PLXDC2: variants seen among roughly 807,000 people sequenced by gnomAD.
The protein encoded by PLXDC2 is plexin domain containing 2.
PLXDC2 carries 40 observed loss-of-function variants against 68.9 expected under a neutral mutation model. The observed-to-expected ratio is 0.58, with a 90% CI of 0.45 to 0.76. The LOEUF (loss-of-function observed/expected upper bound fraction) is 0.76, where lower values mean the gene tolerates loss of function less well. PLXDC2 is among the 30% of genes least tolerant of loss of function. The pLI, the probability that PLXDC2 is intolerant of heterozygous loss-of-function variation, is 0.00. For synonymous variants in PLXDC2, 243 were observed against 234.2 expected, an observed-to-expected ratio of 1.04 and a Z score of -0.34; for missense variants, 644 against 661.9, an observed-to-expected ratio of 0.97 and a Z score of 0.30.
At chr10:19,834,405 A>C (rs1351677109) in intron 1 of PLXDC2, among the ~76,000 whole-genome samples, 1 of 152,048 alleles carries the variant, frequency 6.6e-6, no homozygotes, top group East Asian at 1.9e-4. Context: ...TAACAAAGGC[A>C]AAGGGACAGA....
At chr10:19,984,055 G>A (rs541151274) in intron 1 of PLXDC2, among the ~76,000 whole-genome samples, 3 of 152,280 alleles carry the variant, frequency 2.0e-5, no homozygotes, top group Admixed American at 6.5e-5. Flanking sequence ...ATTCCCATGG[G>A]TCGTCGAAGT....
At chr10:19,820,276 A>C (rs1836438947) in intron 1 of PLXDC2, among the ~76,000 whole-genome samples, 1 of 152,198 alleles carries the variant, frequency 6.6e-6, no homozygotes, top group Admixed American at 6.5e-5. Flanking sequence ...AATGAAAGAT[A>C]ATAATTTTGC....
At chr10:19,902,983 C>T (rs1249675828) in intron 1 of PLXDC2, among the ~76,000 whole-genome samples, 1 of 152,116 alleles carries the variant, frequency 6.6e-6, no homozygotes, top group Non-Finnish European at 1.5e-5. Flanking sequence ...CATTTATTGA[C>T]TTACATATGT....
chr10:19,970,316 C>T (rs747616327), intron 1 of PLXDC2, among the ~76,000 whole-genome samples: 33 of 152,306 alleles, frequency 2.2e-4, no homozygotes, highest in Admixed American at 1.6e-3. Context: ...GCCTCATCAT[C>T]ATCATAATCA....
chr10:19,825,640 A>G (rs1021943365), intron 1 of PLXDC2, among the ~76,000 whole-genome samples: 3 of 152,292 alleles, frequency 2.0e-5, no homozygotes, highest in Non-Finnish European at 4.4e-5. Flanking sequence ...TAAAATATTT[A>G]TTTCCCTAAA....
At chr10:19,827,774 G>C (rs143057422) in intron 1 of PLXDC2, among the ~76,000 whole-genome samples, 1,578 of 152,124 alleles carry the variant, frequency 0.01, 25 homozygotes, top group African/African-American at 0.037. Context: ...GGCCAAGCTG[G>C]TCTCCAACTC....
intron 9 of PLXDC2, among the ~76,000 whole-genome samples, chr10:20,193,749 T>G (rs906993915): frequency 6.6e-5 from 10 of 152,122 alleles, no homozygotes; most frequent in African/African-American, 2.4e-4. Flanking sequence ...GTGTATTTTA[T>G]GAAGCAGAAA....
chr10:19,970,897 A>G (rs1299386746), intron 1 of PLXDC2, among the ~76,000 whole-genome samples: 1 of 152,130 alleles, frequency 6.6e-6, no homozygotes, highest in Non-Finnish European at 1.5e-5. Flanking sequence ...TCTAGACTAA[A>G]CATGTTCTTC....
chr10:19,857,476 G>T (rs1299902567), intron 1 of PLXDC2, among the ~76,000 whole-genome samples: 3 of 152,240 alleles, frequency 2.0e-5, no homozygotes, highest in East Asian at 3.9e-4. Context: ...TTTTAACCAA[G>T]AATTATTCAT....
At chr10:20,020,177 A>ATTTT (rs1564659038) in intron 2 of PLXDC2, among the ~76,000 whole-genome samples, 1 of 98,186 alleles carries the variant, frequency 1.0e-5, no homozygotes, top group African/African-American at 4.4e-5. Context: ...ACACCCAGCA[A>ATTTT]ATTTTTTTTT....
intron 1 of PLXDC2, among the ~76,000 whole-genome samples, chr10:19,897,267 T>A (rs1397151820): frequency 1.3e-5 from 2 of 150,990 alleles, no homozygotes; most frequent in African/African-American, 4.9e-5. Flanking sequence ...GAGACGGAGT[T>A]TTGCTCTTGT....
At chr10:19,817,603 G>A (rs1325849678) in intron 1 of PLXDC2, among the ~76,000 whole-genome samples, 1 of 152,166 alleles carries the variant, frequency 6.6e-6, no homozygotes, top group Non-Finnish European at 1.5e-5. Context: ...GGTGGGGGAC[G>A]TTGTGAAAGC....
At chr10:20,042,572 A>G (rs914155557) in intron 2 of PLXDC2, among the ~76,000 whole-genome samples, 4 of 129,968 alleles carry the variant, frequency 3.1e-5, no homozygotes, top group African/African-American at 8.7e-5. Flanking sequence ...ATAGTCATAC[A>G]ATATTTATTT....
chr10:19,939,869 A>G (rs1460681201), intron 1 of PLXDC2, among the ~76,000 whole-genome samples: 1 of 152,042 alleles, frequency 6.6e-6, no homozygotes, highest in East Asian at 1.9e-4. Context: ...TTTTTGAATT[A>G]TGAGCAGAAG....
At chr10:20,219,360 C>T (rs1588524812) in intron 12 of PLXDC2, among the ~76,000 whole-genome samples, 1 of 152,152 alleles carries the variant, frequency 6.6e-6, no homozygotes, top group African/African-American at 2.4e-5. Flanking sequence ...TCTTGCTATT[C>T]TTTGTTGGTC....
intron 12 of PLXDC2, among the ~76,000 whole-genome samples, chr10:20,227,172 G>A (rs1835297842): frequency 6.6e-6 from 1 of 152,106 alleles, no homozygotes; most frequent in African/African-American, 2.4e-5. Context: ...CAACTATTGT[G>A]TACCAGGCCC....
At chr10:20,050,470 A>G (rs879599099) in intron 3 of PLXDC2, among the ~76,000 whole-genome samples, 7 of 152,178 alleles carry the variant, frequency 4.6e-5, no homozygotes, top group Non-Finnish European at 7.4e-5. Context: ...GCATCTGACA[A>G]AGGTCTAATA....
At chr10:19,828,439 C>T (rs933272349) in intron 1 of PLXDC2, among the ~76,000 whole-genome samples, 1 of 152,146 alleles carries the variant, frequency 6.6e-6, no homozygotes, top group Non-Finnish European at 1.5e-5. Flanking sequence ...GTGAACTCCA[C>T]CTCCAGCTCA....
chr10:19,851,374 C>T (rs948718358), intron 1 of PLXDC2, among the ~76,000 whole-genome samples: 3 of 152,078 alleles, frequency 2.0e-5, no homozygotes, highest in African/African-American at 7.2e-5. Context: ...CTTAACAATT[C>T]GTAGATTTGA....
Sources: allele counts gnomAD v4.1 joint callset (sites outside exome capture counted in the v4.1 genomes callset), GRCh38; gene constraint gnomAD v4.1.1; transcripts MANE v1.5; gene names NCBI Gene and HGNC (gene_info 2026-07-23, HGNC 2026-07-21).